Variants in PRX observed in about 807,000 individuals in gnomAD.
The protein encoded by PRX is periaxin.
Under a neutral mutation model 29.6 loss-of-function variants are expected in PRX, and 24 were observed. The observed-to-expected ratio is 0.81, with a 90% CI of 0.59 to 1.14. PRX has a LOEUF of 1.14. Among genes scored for constraint, PRX ranks in the 50% most tolerant of loss-of-function variants. PRX has a pLI of 0.00. For synonymous variants in PRX, 772 were observed against 831.7 expected (o/e 0.93, Z 1.24); for missense variants, 1,838 against 1,926.4 (o/e 0.95, Z 0.86).
intron 5 of PRX, among the ~76,000 whole-genome samples, chr19:40,402,020 C>T (rs925188257): frequency 2.0e-5 from 3 of 152,026 alleles, no homozygotes; most frequent in African/African-American, 7.2e-5. Context: ...TCCCAAAGTG[C>T]TAGGATTATG....
Position 40,395,778 on chromosome 19 carries a change from C to T in PRX, c.2574G>A (p.Glu858=), listed in dbSNP as rs1239948760. 4 of 1,614,008 alleles carry T rather than the reference C, an allele frequency of 2.5e-6. No homozygotes were observed. Among genetic ancestry groups the T allele is most frequent in the South Asian group, 2.2e-5 (2 of 91,082 alleles). The change falls in exon 7 of 7, where the codon GAG becomes GAA. Residue 858 remains glutamate, a synonymous_variant. Transcript: ENST00000324001. ...GGCCAAGTGCTCCTGGCAGGTCTAG[C>T]TCCACTGAAGGCAGAGTGAGAGAGG... ...GVPSLTLPSV[E]LDLPGALGLQ...
At chr19:40,410,434 C>T (rs1696716384) in intron 1 of PRX, among the ~76,000 whole-genome samples, 1 of 152,172 alleles carries the variant, frequency 6.6e-6, no homozygotes, top group African/African-American at 2.4e-5. Context: ...GACCCCTTAA[C>T]ACTCCCACAG....
intron 6 of PRX, 29 bp from the exon 7 acceptor site, chr19:40,397,999 G>T: frequency 6.3e-7 from 1 of 1,591,550 alleles, no homozygotes; most frequent in Non-Finnish European, 8.6e-7. Flanking sequence ...GGCAGGAGGC[G>T]GTGGGACAGT....
At chr19:40,406,024 A>T (rs371583774) in intron 4 of PRX, among the ~76,000 whole-genome samples, 51 of 150,480 alleles carry the variant, frequency 3.4e-4, no homozygotes, top group African/African-American at 1.1e-3. Context: ...AGGCGGGAGG[A>T]TCACCTGAGG....
At chr19:40,402,180 G>A (rs1397127809) in intron 5 of PRX, among the ~76,000 whole-genome samples, 1 of 151,442 alleles carries the variant, frequency 6.6e-6, no homozygotes, top group Non-Finnish European at 1.5e-5. Context: ...GTGAAACCCC[G>A]TCTCTACTAA....
At chr19:40,403,550 AAC>A (rs780047109) in intron 5 of PRX, among the ~76,000 whole-genome samples, 154 bp downstream of exon 5, 42 of 152,084 alleles carry the variant, frequency 2.8e-4, no homozygotes, top group Admixed American at 7.9e-4. Flanking sequence ...ATTTGCTGTG[AAC>A]AGTCAGCAAA....
chr19:40,403,621 A>G (rs2079510897), intron 5 of PRX, 85 bp downstream of exon 5: 1 of 1,423,184 alleles, frequency 7.0e-7, no homozygotes, highest in Non-Finnish European at 9.3e-7. Flanking sequence ...TCCCCCGGTC[A>G]GTTTCAGCCT....
chr19:40,396,403 G>A lies in PRX; in HGVS notation c.1949C>T (p.Pro650Leu). 6.2e-7 allele frequency: 1 copy of A among 1,613,886 alleles called. No homozygotes were observed. Residue 650 changes from proline to leucine, a missense_variant, in exon 7 of 7, where the codon CCC becomes CTC. Physicochemically the swap from Pro to Leu is moderately conservative, Grantham distance 98 (BLOSUM62 -3). Transcript: ENST00000324001. ...KLPKVPEMAV[P>L]DVHLPEVQLP... ...CTGCACTTCCGGGAGGTGCACATCG[G>A]GCACAGCCATCTCGGGCACCTTCGG...
chr19:40,402,124 G>C (rs906818154), intron 5 of PRX, among the ~76,000 whole-genome samples: 18 of 152,036 alleles, frequency 1.2e-4, no homozygotes, highest in Admixed American at 5.2e-4. Context: ...AGGCCGAGGA[G>C]GGCGGATCAC....
intron 5 of PRX, among the ~76,000 whole-genome samples, chr19:40,402,676 G>A (rs1220856395): frequency 6.6e-6 from 1 of 150,950 alleles, no homozygotes; most frequent in Non-Finnish European, 1.5e-5. Context: ...TAGGGAGGCT[G>A]AGGCAGGAGA....
In PRX at chr19:40,411,666, GC is replaced by G. The variant is rs35818612; in HGVS notation, c.-243+1671del. On this transcript the variant is annotated intron_variant, in intron 1 of 6. Transcript: ENST00000324001. ...GTGCTCTTCCTGAGCCACGTACCCA[GC>G]CCCTGGGGTAAGGTGGGGGCAGCTT... 9.8e-4 allele frequency among the ~76,000 whole-genome samples: 149 copies of G among 152,280 alleles called. 1 individual carries two copies. The highest frequency in any genetic ancestry group is 3.4e-3 in the African/African-American group (143 of 41,564).
At position 40,395,162 on chromosome 19, in the gene PRX, G is replaced by A. The variant is rs937051533; in HGVS notation, c.3190C>T (p.Pro1064Ser). The change falls in exon 7 of 7, where the codon CCT (proline) becomes TCT (serine). Residue 1064 changes from proline (P) to serine (S), a missense_variant. This residue lies in a region of PRX where 1,143 missense variants were observed against 1,193.0 expected (regional missense o/e 0.96). Coordinates refer to ENST00000324001, the MANE Select transcript of PRX (RefSeq NM_181882.3). ...GRVKMPKLKM[P>S]SFGLARGKEA... Reference sequence around the variant, plus strand: ...TTCCCTCGAGCCAGCCCAAAGGAAGGCATCTTCAGCTTGGGCATCTTCACC... The same window carrying A: ...TTCCCTCGAGCCAGCCCAAAGGAAGACATCTTCAGCTTGGGCATCTTCACC... 2.2e-5 allele frequency: 35 copies of A among 1,614,134 alleles called. No homozygotes were observed. Among genetic ancestry groups the A allele is most frequent in the Non-Finnish European group, 2.7e-5 (32 of 1,180,018 alleles).
chr19:40,412,712 G>A (rs1410908563), intron 1 of PRX, among the ~76,000 whole-genome samples: 2 of 151,828 alleles, frequency 1.3e-5, no homozygotes, highest in African/African-American at 2.4e-5. Flanking sequence ...CCCAGCTCTG[G>A]TGTTTGTTAG....
chr19:40,394,913 G>T lies in PRX; in HGVS notation c.3439C>A (p.Pro1147Thr). Residue 1147 changes from proline (P) to threonine (T), a missense_variant, in exon 7 of 7, where the codon CCG becomes ACG. Physicochemically the swap from Pro to Thr is conservative, Grantham distance 38. Coordinates refer to ENST00000324001, the MANE Select transcript of PRX (RefSeq NM_181882.3). This position sits in a 1 kb window ranked among gnomAD's most constrained non-coding sequence, Gnocchi z 5.8. ...EGHDAGLRMP[P>T]LGISLPQVEL... ...ACCTGTGGCAGGGAGATGCCCAGCG[G>T]AGGCATCCTCAGCCCCGCGTCATGG... 2 of 1,610,390 alleles carry T rather than the reference G, an allele frequency of 1.2e-6. No homozygotes were observed. Among genetic ancestry groups the T allele is most frequent in the Non-Finnish European group, 8.5e-7 (1 of 1,179,948 alleles).
chr19:40,403,702 C>T lies in PRX; in HGVS notation c.184+4G>A. On this transcript the variant is annotated splice_donor_region_variant and intron_variant, in intron 5 of 6. Transcript: ENST00000324001. ...ACCCCGCCCCACACCCCGGGCCCGCCCACCTTCCTGCAGGCTGAGGCTCCT... is the reference window on the plus strand; with the variant it reads ...ACCCCGCCCCACACCCCGGGCCCGCTCACCTTCCTGCAGGCTGAGGCTCCT... 2.6e-6 allele frequency: 4 copies of T among 1,548,722 alleles called. No homozygotes were observed. The highest frequency in any genetic ancestry group is 3.5e-6 in the Non-Finnish European group (4 of 1,146,386).
rs942931559 is a variant in PRX, at chr19:40,412,918, G to C, written c.-243+420C>G. Reference sequence around the variant, plus strand: ...TTTTTTTTTGTTTTGTAGAGATGGGGGCCTCTCTATGTGGCCCAGGCTGGT... The same window carrying C: ...TTTTTTTTTGTTTTGTAGAGATGGGCGCCTCTCTATGTGGCCCAGGCTGGT... On this transcript the variant is annotated intron_variant, in intron 1 of 6. Coordinates refer to ENST00000324001, the MANE Select transcript of PRX (RefSeq NM_181882.3). 2.0e-5 allele frequency among the ~76,000 whole-genome samples: 3 copies of C among 152,102 alleles called. No homozygotes were observed. The South Asian group carries it at 6.2e-4, about 32-fold the overall frequency.
At position 40,396,401 on chromosome 19, in the gene PRX, C is replaced by G. The variant is rs3814290; in HGVS notation, c.1951G>C (p.Asp651His). 6.2e-7 allele frequency: 1 copy of G among 1,613,612 alleles called. No homozygotes were observed. The highest frequency in any genetic ancestry group is 8.5e-7 in the Non-Finnish European group (1 of 1,179,990). ...AGCTGCACTTCCGGGAGGTGCACAT[C>G]GGGCACAGCCATCTCGGGCACCTTC... The part of the protein sequence containing the change: ...LPKVPEMAVP[D>H]VHLPEVQLPK... The change falls in exon 7 of 7, where the codon GAT (aspartate) becomes CAT (histidine). Residue 651 changes from aspartate (D) to histidine (H), a missense_variant. Coordinates refer to ENST00000324001, the MANE Select transcript of PRX (RefSeq NM_181882.3).
intron 1 of PRX, among the ~76,000 whole-genome samples, chr19:40,409,291 T>C (rs1268618618): frequency 1.3e-5 from 2 of 152,006 alleles, no homozygotes; most frequent in Non-Finnish European, 2.9e-5. Context: ...CACTCCCATG[T>C]ACTCCCAGTG....
intron 4 of PRX, among the ~76,000 whole-genome samples, chr19:40,407,030 T>C (rs550308639): frequency 2.0e-5 from 3 of 152,128 alleles, no homozygotes; most frequent in African/African-American, 7.2e-5. Context: ...CGCCTTGGCC[T>C]CCCGAAGTGC....
Sources: gnomAD v4.1 joint callset for allele counts (sites outside exome capture counted in the v4.1 genomes callset) on GRCh38, gnomAD v4.1.1 for gene constraint, gnomAD v4.1.1 regional missense constraint, Gnocchi (gnomAD v3.1) non-coding constraint, MANE v1.5 for transcripts, NCBI Gene and HGNC (gene_info 2026-07-23, HGNC 2026-07-21) for gene names.